TRIM55: variants seen among roughly 807,000 people sequenced by gnomAD.
TRIM55 encodes tripartite motif containing 55.
Under a neutral mutation model 60.9 loss-of-function variants are expected in TRIM55, and 50 were observed. The observed-to-expected ratio is 0.82, with a 90% CI of 0.65 to 1.04. TRIM55 has a LOEUF of 1.04. Among genes scored for constraint, TRIM55 ranks in the 50% least tolerant of loss-of-function variants. TRIM55 has a pLI of 0.00. For synonymous variants in TRIM55, 237 were observed against 238.1 expected (o/e 1.00, Z 0.04); for missense variants, 681 against 666.9 (o/e 1.02, Z -0.23).
At chr8:66,155,079 A>G (rs1810663134) in intron 9 of TRIM55, among the ~76,000 whole-genome samples, 4 of 152,248 alleles carry the variant, frequency 2.6e-5, no homozygotes, top group Admixed American at 2.6e-4. Context: ...TGGTGACTCC[A>G]TACTCATGAG....
At chr8:66,147,079 G>A (rs1810133207) in intron 4 of TRIM55, among the ~76,000 whole-genome samples, 1 of 152,146 alleles carries the variant, frequency 6.6e-6, no homozygotes, top group South Asian at 2.1e-4. Flanking sequence ...AAAGCATCTG[G>A]TATAAATCTC....
At chr8:66,114,180 C>G in the TRIM55 span, among the ~76,000 whole-genome samples, 3 of 148,552 alleles carry the variant, frequency 2.0e-5, no homozygotes, top group Middle Eastern at 3.4e-3. Context: ...ATAAGCCGTG[C>G]CCAGCCGTGG....
Position 66,164,259 on chromosome 8 carries a change from C to T in TRIM55, c.1524+9925C>T, listed in dbSNP as rs538776379. Among the ~76,000 whole-genome samples the T allele has an allele frequency of 1.4e-4, 21 of 152,286 alleles. No homozygotes were observed. In the East Asian group the frequency reaches 3.5e-3, roughly 25 times the overall value. The stretch of plus-strand genomic sequence containing the variant: ...CCCCTTCCTCCTTCAGCCACAAGCA[C>T]GGCCAAGCACAACAAAGACTGGGAC... On this transcript the variant is annotated intron_variant, in intron 9 of 9. Transcript: ENST00000315962.
chr8:66,166,228 G>C (rs955077311), intron 9 of TRIM55, among the ~76,000 whole-genome samples: 1 of 152,148 alleles, frequency 6.6e-6, no homozygotes, highest in Non-Finnish European at 1.5e-5. Context: ...ATTTTAAAGA[G>C]GAAAATATAA....
intron 4 of TRIM55, among the ~76,000 whole-genome samples, 168 bp downstream of exon 4, chr8:66,137,358 A>C (rs568276563): frequency 5.2e-4 from 79 of 152,342 alleles, no homozygotes; most frequent in Non-Finnish European, 1.0e-3. Context: ...GCACAGAAAG[A>C]GACATTATCA....
chr8:66,172,044 G>T (rs1403462103), intron 9 of TRIM55, among the ~76,000 whole-genome samples: 2 of 151,912 alleles, frequency 1.3e-5, no homozygotes, highest in Non-Finnish European at 2.9e-5. Flanking sequence ...CTTCACTGTT[G>T]AAAGAAAGGA....
At chr8:66,163,530 A>G (rs1811159534) in intron 9 of TRIM55, among the ~76,000 whole-genome samples, 1 of 152,172 alleles carries the variant, frequency 6.6e-6, no homozygotes, top group Non-Finnish European at 1.5e-5. Context: ...TCTTTGACCC[A>G]TGGGTTATTT....
At chr8:66,116,606 CAAAA>C in the TRIM55 span, among the ~76,000 whole-genome samples, 27 of 48,132 alleles carry the variant, frequency 5.6e-4, no homozygotes, top group Non-Finnish European at 7.7e-4. Context: ...GACCCTGTCT[CAAAA>C]AAAAAAAAAA....
intron 1 of TRIM55, among the ~76,000 whole-genome samples, 168 bp downstream of exon 1, chr8:66,127,604 A>T (rs145890056): frequency 4.8e-4 from 73 of 152,214 alleles, no homozygotes; most frequent in African/African-American, 1.7e-3. Context: ...AGGCCAGTGG[A>T]TCACCTGAGG....
At chr8:66,114,177 G>C in the TRIM55 span, among the ~76,000 whole-genome samples, 46 of 147,728 alleles carry the variant, frequency 3.1e-4, no homozygotes, top group Admixed American at 8.4e-4. Flanking sequence ...ATAATAAGCC[G>C]TGCCCAGCCG....
chr8:66,130,432 G>C (rs575707503), intron 2 of TRIM55, among the ~76,000 whole-genome samples: 1 of 152,146 alleles, frequency 6.6e-6, no homozygotes, highest in Non-Finnish European at 1.5e-5. Flanking sequence ...GGGAGGAAAC[G>C]CAGTTGTCCC....
chr8:66,141,279 C>T (rs534461834), intron 4 of TRIM55, among the ~76,000 whole-genome samples: 2 of 152,254 alleles, frequency 1.3e-5, no homozygotes, highest in South Asian at 4.1e-4. Context: ...ATTTTCCTTC[C>T]ATGCTGTGGG....
At position 66,132,941 on chromosome 8, in the gene TRIM55, G is replaced by A. The variant is rs76268350; in HGVS notation, c.342-2049G>A. Among the ~76,000 whole-genome samples, 49 of 152,266 alleles carry A rather than the reference G, an allele frequency of 3.2e-4. No individual in the cohort carries two copies. In the East Asian group the frequency reaches 9.4e-3, roughly 29 times the overall value. ...GGCTGTTTTCACATTTTCAATATTT[G>A]CATATACTGCATAGACCTGTGCTCT... On this transcript the variant is annotated intron_variant, in intron 2 of 9. Coordinates refer to ENST00000315962, the MANE Select transcript of TRIM55 (RefSeq NM_184085.2).
intron 9 of TRIM55, among the ~76,000 whole-genome samples, chr8:66,160,096 C>A (rs1021607448): frequency 6.6e-6 from 1 of 151,750 alleles, no homozygotes; most frequent in African/African-American, 2.4e-5. Context: ...TTTGGTGCAC[C>A]CAAGCAGTGT....
In TRIM55 at chr8:66,152,550, G is replaced by T. The variant is rs1206097329; in HGVS notation, c.1159G>T (p.Ala387Ser). ...GCTCTCTCAGGTGGAGCTGCAGGCTGCCCCTGGGGCACTTCCAGTTTCCTC... is the reference window on the plus strand; with the variant it reads ...GCTCTCTCAGGTGGAGCTGCAGGCTTCCCCTGGGGCACTTCCAGTTTCCTC... ...SELSQVELQA[A>S]PGALPVSSPE... is the part of the protein sequence containing the mutation. Residue 387 changes from alanine (A) to serine (S), a missense_variant, in exon 8 of 10, where the codon GCC becomes TCC. Transcript: ENST00000315962. 6.2e-7 allele frequency: 1 copy of T among 1,614,166 alleles called. No homozygotes were observed. The highest frequency in any genetic ancestry group is 8.5e-7 in the Non-Finnish European group (1 of 1,180,030).
intron 9 of TRIM55, among the ~76,000 whole-genome samples, chr8:66,166,283 T>C (rs1811326040): frequency 6.6e-6 from 1 of 152,246 alleles, no homozygotes; most frequent in South Asian, 2.1e-4. Flanking sequence ...TCATTTCCCC[T>C]GGCAATCTGT....
At chr8:66,125,196 G>A (rs966164806), upstream of TRIM55, among the ~76,000 whole-genome samples, 17 of 152,298 alleles carry the variant, frequency 1.1e-4, no homozygotes, top group Non-Finnish European at 1.9e-4. Flanking sequence ...CTCCTGGCAC[G>A]CGCCCTTAAC....
At chr8:66,129,309 T>C (rs1809007961) in intron 2 of TRIM55, among the ~76,000 whole-genome samples, 1 of 152,152 alleles carries the variant, frequency 6.6e-6, no homozygotes, top group South Asian at 2.1e-4. Flanking sequence ...CCCTTTTCAA[T>C]TGTGTGCAGG....
chr8:66,161,262 G>A (rs1023729042), intron 9 of TRIM55, among the ~76,000 whole-genome samples: 1 of 152,030 alleles, frequency 6.6e-6, no homozygotes. Context: ...AATTATCCCA[G>A]CACCATTTGT....
Sources: allele counts gnomAD v4.1 joint callset (sites outside exome capture counted in the v4.1 genomes callset), GRCh38; gene constraint gnomAD v4.1.1; transcripts MANE v1.5; gene names NCBI Gene and HGNC (gene_info 2026-07-23, HGNC 2026-07-21).